Variants in INPP4B observed in about 807,000 individuals in gnomAD.
INPP4B encodes inositol polyphosphate-4-phosphatase type II B, also known as inositol polyphosphate 4-phosphatase type II.
In INPP4B, 55 loss-of-function variants were observed where a neutral mutation model predicts 122.5. That is an observed-to-expected ratio of 0.45 (90% CI 0.36 to 0.56). The LOEUF is 0.56. Ranked by LOEUF, INPP4B falls within the 20% of genes least tolerant of loss-of-function variation. The pLI is 0.00. For missense variants in INPP4B, 1,000 were observed against 1,097.7 expected (o/e 0.91, Z 1.26); for synonymous variants, 403 against 388.7 (o/e 1.04, Z -0.43).
chr4:142,314,731 T>C lies in INPP4B; in HGVS notation c.404A>G (p.Asp135Gly). 1 of 1,600,718 alleles carries C rather than the reference T, an allele frequency of 6.2e-7. No homozygotes were observed. Among genetic ancestry groups the C allele is most frequent in the Non-Finnish European group, 8.5e-7 (1 of 1,175,026 alleles). ...ACTTACCCCAACTTCTGGCGGGGGA[T>C]CCTTATGTTCTGGTAGGACACTGGT... ...VRTSVLPEHK[D>G]PPPEVGRSFL... The change falls in exon 8 of 26, where the codon GAT becomes GGT. Residue 135 changes from aspartate to glycine, a missense_variant. Transcript: ENST00000262992.
At chr4:142,559,600 A>C (rs1730002317) in intron 2 of INPP4B, among the ~76,000 whole-genome samples, 1 of 152,172 alleles carries the variant, frequency 6.6e-6, no homozygotes, top group Admixed American at 6.5e-5. Context: ...CATATGCATA[A>C]GTTTTTATCA....
chr4:142,839,369 A>G (rs1196987638), intron 1 of INPP4B, among the ~76,000 whole-genome samples: 2 of 152,082 alleles, frequency 1.3e-5, no homozygotes, highest in South Asian at 4.1e-4. Flanking sequence ...GAGGCAGGAG[A>G]ATCACTGGAA....
Position 142,245,122 on chromosome 4 carries a change from C to T in INPP4B, c.689-7111G>A, listed in dbSNP as rs528590159. The stretch of plus-strand genomic sequence containing the variant: ...TTCCTTGTAGATTCTGGATATTAGC[C>T]CTTTGTCAGATGAATAGATTGCAAA... On this transcript the variant is annotated intron_variant, in intron 11 of 25. Transcript: ENST00000262992. Among the ~76,000 whole-genome samples the T allele has an allele frequency of 3.3e-5, 5 of 152,036 alleles. No individual in the cohort carries two copies. The South Asian group carries it at 1.0e-3, about 32-fold the overall frequency.
intron 25 of INPP4B, among the ~76,000 whole-genome samples, chr4:142,065,512 A>G (rs1287318392): frequency 1.3e-5 from 2 of 152,168 alleles, no homozygotes; most frequent in Non-Finnish European, 2.9e-5. Context: ...AATACTCACA[A>G]AGAGGGAACT....
At chr4:142,304,116 T>C (rs2151169784) in intron 9 of INPP4B, among the ~76,000 whole-genome samples, 1 of 152,184 alleles carries the variant, frequency 6.6e-6, no homozygotes. Flanking sequence ...GGACTGCTAG[T>C]AGTCCTAAGG....
rs192846533 is a variant in INPP4B at position 142,843,474 on chromosome 4, C to T, written c.-254+2735G>A. ...TAAGGTACATAATACAGAAGAGACT[C>T]ACACAGCTTTCACCTGAACATTTAA... is the stretch of plus-strand genomic sequence containing the variant. On this transcript the variant is annotated intron_variant, in intron 1 of 25. Transcript: ENST00000262992. 1.9e-3 allele frequency among the ~76,000 whole-genome samples: 292 copies of T among 151,984 alleles called. 2 individuals carry two copies. Among genetic ancestry groups the T allele is most frequent in the Non-Finnish European group, 1.1e-3 (74 of 67,824 alleles).
intron 5 of INPP4B, among the ~76,000 whole-genome samples, chr4:142,411,389 T>G (rs2149245089): frequency 6.6e-6 from 1 of 152,308 alleles, no homozygotes; most frequent in Admixed American, 6.5e-5. Flanking sequence ...CTAATAAAGC[T>G]TCTTTTTCTT....
At chr4:142,427,659 T>C (rs1808398257) in intron 5 of INPP4B, among the ~76,000 whole-genome samples, 1 of 152,050 alleles carries the variant, frequency 6.6e-6, no homozygotes, top group South Asian at 2.1e-4. Context: ...GCCACCCTAA[T>C]TGCTTCTGCT....
intron 7 of INPP4B, among the ~76,000 whole-genome samples, chr4:142,320,324 T>A (rs1769507982): frequency 6.6e-6 from 1 of 152,192 alleles, no homozygotes; most frequent in Non-Finnish European, 1.5e-5. Context: ...TGACAGTAAA[T>A]GCTATCCTAT....
chr4:142,594,083 A>C (rs962538412), intron 2 of INPP4B, among the ~76,000 whole-genome samples: 1 of 152,218 alleles, frequency 6.6e-6, no homozygotes. Flanking sequence ...CCAGAATCTG[A>C]ATTCATGTTT....
chr4:142,814,767 G>T (rs1779930678), intron 1 of INPP4B, among the ~76,000 whole-genome samples: 1 of 151,980 alleles, frequency 6.6e-6, no homozygotes, highest in African/African-American at 2.4e-5. Flanking sequence ...AATAAATGAT[G>T]GATTAAATAT....
At chr4:142,469,045 G>T (rs1818334932) in intron 2 of INPP4B, among the ~76,000 whole-genome samples, 1 of 151,994 alleles carries the variant, frequency 6.6e-6, no homozygotes, top group East Asian at 1.9e-4. Flanking sequence ...TATAGTTGTT[G>T]CTCAGTTTCC....
intron 2 of INPP4B, among the ~76,000 whole-genome samples, chr4:142,488,497 C>G (rs1299479425): frequency 1.3e-5 from 2 of 152,042 alleles, no homozygotes; most frequent in Non-Finnish European, 2.9e-5. Flanking sequence ...ACCAGTGAAG[C>G]CCTGTTGACC....
intron 9 of INPP4B, among the ~76,000 whole-genome samples, chr4:142,298,683 CA>C (rs386401712): frequency 0.02 from 1,354 of 66,378 alleles, 9 homozygotes; most frequent in African/African-American, 0.067. Flanking sequence ...GACTCTGTCT[CA>C]AAAAAAAAAA....
At chr4:142,370,627 A>C (rs1002668891) in intron 7 of INPP4B, among the ~76,000 whole-genome samples, 1 of 152,138 alleles carries the variant, frequency 6.6e-6, no homozygotes, top group African/African-American at 2.4e-5. Context: ...CACAAAAATC[A>C]GTAATATTTC....
chr4:142,464,162 T>C (rs1454438265), intron 2 of INPP4B, among the ~76,000 whole-genome samples: 1 of 152,148 alleles, frequency 6.6e-6, no homozygotes, highest in Admixed American at 6.6e-5. Context: ...TATCATGCTA[T>C]TTATAAAACA....
At chr4:142,377,181 A>T (rs910771230) in intron 7 of INPP4B, among the ~76,000 whole-genome samples, 7 of 152,014 alleles carry the variant, frequency 4.6e-5, no homozygotes, top group African/African-American at 1.4e-4. Flanking sequence ...GGTGGCTCCA[A>T]ACAATCTAAC....
chr4:142,317,392 T>C (rs1318317853), intron 7 of INPP4B: 1 of 317,182 alleles, frequency 3.2e-6, no homozygotes, highest in Non-Finnish European at 6.4e-6. Flanking sequence ...CATTTAAATA[T>C]GATGTTGGGA....
chr4:142,720,634 GT>G (rs200415489), intron 2 of INPP4B, among the ~76,000 whole-genome samples: 26 of 145,676 alleles, frequency 1.8e-4, no homozygotes, highest in Admixed American at 4.8e-4. Context: ...TTTATTGTCT[GT>G]TTTTTTTTCC....
Sources: allele counts gnomAD v4.1 joint callset (sites outside exome capture counted in the v4.1 genomes callset), GRCh38; gene constraint gnomAD v4.1.1; transcripts MANE v1.5; gene names NCBI Gene and HGNC (gene_info 2026-07-23, HGNC 2026-07-21).